Variants in ATF6 observed in about 807,000 individuals in gnomAD.
The protein encoded by ATF6 is activating transcription factor 6.
A neutral mutation model predicts 83.6 loss-of-function variants in ATF6; 53 were observed. That is an observed-to-expected ratio of 0.63 (90% confidence interval 0.51 to 0.80). The LOEUF (loss-of-function observed/expected upper bound fraction) is 0.80. Ranked by LOEUF, ATF6 falls within the 30% of genes least tolerant of loss-of-function variation. The pLI, the probability that ATF6 is intolerant of heterozygous loss-of-function variation, is 0.00. For missense variants in ATF6, 744 were observed against 797.9 expected, an observed-to-expected ratio of 0.93 and a Z score of 0.81; for synonymous variants, 288 against 285.8, an observed-to-expected ratio of 1.01 and a Z score of -0.08.
chr1:161,809,962 A>T (rs1264212440), intron 7 of ATF6, among the ~76,000 whole-genome samples: 2 of 152,160 alleles, frequency 1.3e-5, no homozygotes, highest in Non-Finnish European at 2.9e-5. Context: ...GATTGCAAAA[A>T]TTTTGTGGGA....
chr1:161,940,468 G>A (rs1688620065), intron 15 of ATF6, among the ~76,000 whole-genome samples: 2 of 150,888 alleles, frequency 1.3e-5, no homozygotes, highest in Admixed American at 1.3e-4. Flanking sequence ...ATGACTTGAT[G>A]TATTTACTAA....
At chr1:161,952,407 C>A (rs1192093728) in intron 15 of ATF6, among the ~76,000 whole-genome samples, 3 of 152,068 alleles carry the variant, frequency 2.0e-5, no homozygotes, top group Non-Finnish European at 4.4e-5. Context: ...AAGCTACTCT[C>A]CCATCCCACC....
intron 15 of ATF6, among the ~76,000 whole-genome samples, chr1:161,957,852 C>G (rs1347366339): frequency 2.0e-5 from 3 of 152,208 alleles, no homozygotes; most frequent in Non-Finnish European, 4.4e-5. Flanking sequence ...GCATAATTGT[C>G]AGATGTCTAT....
intron 14 of ATF6, among the ~76,000 whole-genome samples, chr1:161,886,173 A>G (rs1189935002): frequency 6.6e-6 from 1 of 152,144 alleles, no homozygotes; most frequent in Non-Finnish European, 1.5e-5. Flanking sequence ...AGCACACAGG[A>G]TGAGTGAGAG....
At chr1:161,916,123 C>T (rs1396668965) in intron 15 of ATF6, among the ~76,000 whole-genome samples, 1 of 152,220 alleles carries the variant, frequency 6.6e-6, no homozygotes, top group Non-Finnish European at 1.5e-5. Context: ...TGCCCTTCCA[C>T]TCCACTGAAA....
chr1:161,882,033 A>G (rs1185984495), intron 14 of ATF6, among the ~76,000 whole-genome samples: 2 of 152,122 alleles, frequency 1.3e-5, no homozygotes, highest in Non-Finnish European at 2.9e-5. Flanking sequence ...GTTTTCACCT[A>G]ATAGCTTTTA....
Position 161,959,614 on chromosome 1 carries a change from G to A in ATF6, c.*960G>A, listed in dbSNP as rs1435492325. 1 of 148,232 alleles carries A rather than the reference G, an allele frequency of 6.7e-6. No homozygotes were observed. The highest frequency in any genetic ancestry group is 1.5e-5 in the Non-Finnish European group (1 of 67,572). 9.2% of individuals were successfully genotyped at this position (148,232 alleles called of 1,614,324 possible). A position where few individuals can be genotyped will look rare whatever the true frequency, so the allele number is the denominator to read the frequency against. ...GAACCCGGGAGGCGGAGCTTGCAGT[G>A]AGCCGAGATCCCGCCACTGCACTCC... On this transcript the variant is annotated 3_prime_UTR_variant, in exon 16 of 16. Coordinates refer to ENST00000367942, the MANE Select transcript of ATF6 (RefSeq NM_007348.4).
At position 161,832,437 on chromosome 1, in the gene ATF6, T is replaced by A. The variant is rs143274359; in HGVS notation, c.1187+11276T>A. Among the ~76,000 whole-genome samples, 38 of 152,178 alleles carry A rather than the reference T, an allele frequency of 2.5e-4. 1 individual carries two copies. The highest frequency in any genetic ancestry group is 3.4e-3 in the Middle Eastern group (1 of 294). On this transcript the variant is annotated intron_variant, in intron 9 of 15. Coordinates refer to ENST00000367942, the MANE Select transcript of ATF6 (RefSeq NM_007348.4). Reference sequence around the variant, plus strand: ...GACAGTGGGTGCAGCGCACCGTGCATGAGCTGAAGCAGGGTGAGGCATTGC... The same window carrying A: ...GACAGTGGGTGCAGCGCACCGTGCAAGAGCTGAAGCAGGGTGAGGCATTGC...
At chr1:161,883,307 T>G (rs7414603) in intron 14 of ATF6, among the ~76,000 whole-genome samples, 31,648 of 151,910 alleles carry the variant, frequency 0.21, 4,118 homozygotes, top group Non-Finnish European at 0.29. Flanking sequence ...ATAGTCTATA[T>G]AATCTCTTCT....
At chr1:161,936,007 G>C (rs982400609) in intron 15 of ATF6, among the ~76,000 whole-genome samples, 1 of 152,148 alleles carries the variant, frequency 6.6e-6, no homozygotes, top group African/African-American at 2.4e-5. Flanking sequence ...CCGTCTTCAC[G>C]TGGTAGGCTA....
intron 9 of ATF6, among the ~76,000 whole-genome samples, chr1:161,841,593 A>G (rs1360068981): frequency 6.6e-6 from 1 of 152,158 alleles, no homozygotes; most frequent in African/African-American, 2.4e-5. Context: ...CCCACAGACT[A>G]TTTGGATCCT....
intron 4 of ATF6, among the ~76,000 whole-genome samples, chr1:161,788,303 T>C (rs1028917790): frequency 2.0e-5 from 3 of 152,252 alleles, no homozygotes; most frequent in African/African-American, 4.8e-5. Flanking sequence ...TGTATTTCTT[T>C]GGTTATTGTT....
At chr1:161,864,500 A>T (rs1686950068) in intron 14 of ATF6, among the ~76,000 whole-genome samples, 1 of 152,204 alleles carries the variant, frequency 6.6e-6, no homozygotes, top group Non-Finnish European at 1.5e-5. Context: ...TGAAATTCTC[A>T]GTTAACTAGT....
At chr1:161,807,968 C>T (rs969592613) in intron 7 of ATF6, among the ~76,000 whole-genome samples, 1 of 140,870 alleles carries the variant, frequency 7.1e-6, no homozygotes, top group Non-Finnish European at 1.5e-5. Context: ...CAACCTCCAC[C>T]TTCCAGGTTC....
At chr1:161,907,702 G>A (rs1027564697) in intron 14 of ATF6, among the ~76,000 whole-genome samples, 2 of 152,064 alleles carry the variant, frequency 1.3e-5, no homozygotes, top group Non-Finnish European at 2.9e-5. Flanking sequence ...AACAATACTG[G>A]CTAAAATAAT....
intron 7 of ATF6, among the ~76,000 whole-genome samples, chr1:161,817,882 G>A (rs1685650658): frequency 6.6e-6 from 1 of 152,016 alleles, no homozygotes; most frequent in Admixed American, 6.6e-5. Context: ...CGGATCAGGA[G>A]GTCAGGAGAT....
intron 15 of ATF6, among the ~76,000 whole-genome samples, chr1:161,938,050 A>G (rs1002444536): frequency 5.3e-5 from 8 of 151,720 alleles, no homozygotes; most frequent in African/African-American, 1.7e-4. Context: ...TTCTGACCTC[A>G]TTTTCTAGCC....
At chr1:161,886,585 C>T (rs1687427072) in intron 14 of ATF6, among the ~76,000 whole-genome samples, 3 of 152,064 alleles carry the variant, frequency 2.0e-5, no homozygotes, top group Admixed American at 2.0e-4. Flanking sequence ...CAGTCATTTC[C>T]CTTACTTGAT....
At chr1:161,841,742 T>A (rs1054807035) in intron 9 of ATF6, among the ~76,000 whole-genome samples, 1 of 152,192 alleles carries the variant, frequency 6.6e-6, no homozygotes, top group African/African-American at 2.4e-5. Flanking sequence ...CTGAAATAGC[T>A]ATGGTTAAGG....
Sources: allele counts gnomAD v4.1 joint callset (sites outside exome capture counted in the v4.1 genomes callset), GRCh38; gene constraint gnomAD v4.1.1; transcripts MANE v1.5; gene names NCBI Gene and HGNC (gene_info 2026-07-23, HGNC 2026-07-21).